LRRC69: variants seen among roughly 807,000 people sequenced by gnomAD.
LRRC69 encodes the protein leucine rich repeat containing 69.
A neutral mutation model predicts 37.8 loss-of-function variants in LRRC69; 42 were observed. The observed-to-expected ratio is 1.11, with a 90% CI of 0.87 to 1.44. The LOEUF (loss-of-function observed/expected upper bound fraction) is 1.44. Among genes scored for constraint, LRRC69 ranks in the 40% most tolerant of loss-of-function variants. The pLI, the probability that LRRC69 is intolerant of heterozygous loss-of-function variation, is 0.00. For synonymous variants in LRRC69, 141 were observed against 143.1 expected, an observed-to-expected ratio of 0.99 and a Z score of 0.11; for missense variants, 357 against 401.9, an observed-to-expected ratio of 0.89 and a Z score of 0.96.
chr8:91,151,343 A>G (rs1414182568), intron 5 of LRRC69, among the ~76,000 whole-genome samples: 2 of 149,614 alleles, frequency 1.3e-5, no homozygotes, highest in Non-Finnish European at 3.0e-5. Flanking sequence ...TTCATTATGT[A>G]CCCAGTAGTC....
At chr8:91,154,240 GA>G (rs568539339) in intron 5 of LRRC69, among the ~76,000 whole-genome samples, 8 of 144,286 alleles carry the variant, frequency 5.5e-5, no homozygotes, top group East Asian at 4.0e-4. Context: ...ACCAACCAAA[GA>G]AAAAAAAAAG....
intron 5 of LRRC69, among the ~76,000 whole-genome samples, chr8:91,159,197 G>A (rs1331215984): frequency 1.3e-5 from 2 of 151,160 alleles, no homozygotes; most frequent in East Asian, 1.9e-4. Context: ...AAGGTATGAG[G>A]GAAGGAAATA....
At chr8:91,193,072 C>G (rs1384061944) in intron 6 of LRRC69, among the ~76,000 whole-genome samples, 1 of 146,664 alleles carries the variant, frequency 6.8e-6, no homozygotes, top group African/African-American at 2.5e-5. Flanking sequence ...ATATGGCTAG[C>G]CAGTTTTCCC....
chr8:91,200,165 T>C (rs1809688288), intron 6 of LRRC69, among the ~76,000 whole-genome samples: 1 of 152,200 alleles, frequency 6.6e-6, no homozygotes, highest in African/African-American at 2.4e-5. Flanking sequence ...TCTGCATATC[T>C]AATAAGCTCC....
At chr8:91,197,578 A>C (rs1360766571) in intron 6 of LRRC69, among the ~76,000 whole-genome samples, 3 of 152,056 alleles carry the variant, frequency 2.0e-5, no homozygotes, top group Admixed American at 2.0e-4. Flanking sequence ...GGAAAAGCGC[A>C]GTATTAGGGT....
intron 2 of LRRC69, among the ~76,000 whole-genome samples, chr8:91,125,594 A>G (rs1163645484): frequency 6.6e-6 from 1 of 151,868 alleles, no homozygotes; most frequent in East Asian, 1.9e-4. Flanking sequence ...TTACACTAAA[A>G]AAGTTAAGGT....
intron 7 of LRRC69, among the ~76,000 whole-genome samples, chr8:91,210,501 A>G (rs1324614267): frequency 2.0e-5 from 3 of 151,848 alleles, no homozygotes; most frequent in Non-Finnish European, 4.4e-5. Flanking sequence ...ACCACTGACC[A>G]TTCAGGTCAG....
intron 7 of LRRC69, among the ~76,000 whole-genome samples, chr8:91,214,137 G>T (rs1418402261): frequency 6.6e-6 from 1 of 152,108 alleles, no homozygotes; most frequent in African/African-American, 2.4e-5. Flanking sequence ...CCTACTGTGG[G>T]TGTAAGGTGT....
intron 1 of LRRC69, among the ~76,000 whole-genome samples, chr8:91,116,612 C>A (rs10956794): frequency 6.6e-6 from 1 of 151,350 alleles, no homozygotes; most frequent in African/African-American, 2.4e-5. Flanking sequence ...TTTAAAGATG[C>A]GCAGTGTATT....
rs192154012 is a variant in LRRC69, at chr8:91,212,869, A to C, written c.934-6021A>C. Among the ~76,000 whole-genome samples, 1,458 of 152,050 alleles carry C rather than the reference A, an allele frequency of 9.6e-3. 11 individuals carry two copies. Among genetic ancestry groups the C allele is most frequent in the Non-Finnish European group, 0.016 (1,113 of 67,834 alleles). On this transcript the variant is annotated intron_variant, in intron 7 of 7. Coordinates refer to ENST00000448384, the Ensembl canonical transcript of LRRC69. Reference sequence around the variant, plus strand: ...ATATATTTCTTATTGTTTTATTCCAAAAATAACAAAACAATTAGAGTATAA... The same window carrying C: ...ATATATTTCTTATTGTTTTATTCCACAAATAACAAAACAATTAGAGTATAA...
In LRRC69 at chr8:91,135,828, G is replaced by A. The variant is rs189660462; in HGVS notation, c.651+89G>A. ...AAAATATGGGCAGACAGTAAAACCT[G>A]TAGTAATTGAAACCTTAAATTATAC... is the stretch of plus-strand genomic sequence containing the variant. On this transcript the variant is annotated intron_variant, in intron 5 of 7. Coordinates refer to ENST00000448384, the Ensembl canonical transcript of LRRC69. 18 of 614,486 alleles carry A rather than the reference G, an allele frequency of 2.9e-5. No individual in the cohort carries two copies. In the East Asian group the frequency reaches 5.6e-4, roughly 19 times the overall value. 38.1% of individuals were successfully genotyped at this position (614,486 alleles called of 1,614,324 possible).
At chr8:91,116,537 T>TGC (rs1813513752) in intron 1 of LRRC69, among the ~76,000 whole-genome samples, 1 of 105,252 alleles carries the variant, frequency 9.5e-6, no homozygotes, top group Admixed American at 8.6e-5. Context: ...TGTGTCTGTA[T>TGC]ACATATATAT....
intron 3 of LRRC69, among the ~76,000 whole-genome samples, chr8:91,128,800 C>T (rs1813760624): frequency 4.0e-5 from 6 of 151,834 alleles, no homozygotes; most frequent in Admixed American, 3.3e-4. Flanking sequence ...TTTCCAGAGA[C>T]AAAGGAATGA....
intron 7 of LRRC69, among the ~76,000 whole-genome samples, chr8:91,215,923 C>T (rs1051468772): frequency 6.6e-6 from 1 of 152,142 alleles, no homozygotes; most frequent in African/African-American, 2.4e-5. Context: ...AATAGAAATA[C>T]AAATTTAAAA....
chr8:91,118,135 C>T (rs1813546634), intron 1 of LRRC69: 10 of 454,944 alleles, frequency 2.2e-5, no homozygotes, highest in Non-Finnish European at 4.4e-5. Context: ...AAGTGCTACC[C>T]ATTACTGGGT....
At chr8:91,200,874 A>T in intron 7 of LRRC69, 82 bp downstream of exon 7, 11 of 1,284,856 alleles carry the variant, frequency 8.6e-6, no homozygotes, top group Non-Finnish European at 1.0e-5. Flanking sequence ...AATACTAACT[A>T]GATTTGTACC....
At chr8:91,124,786 A>T in intron 2 of LRRC69, 167 bp downstream of exon 2, 1 of 560,436 alleles carries the variant, frequency 1.8e-6, no homozygotes, top group Non-Finnish European at 3.0e-6. Flanking sequence ...TTAAAAAAGT[A>T]TTGTATCATA....
intron 1 of LRRC69, among the ~76,000 whole-genome samples, chr8:91,108,708 A>G (rs1009717271): frequency 4.6e-5 from 7 of 151,986 alleles, no homozygotes; most frequent in Non-Finnish European, 8.8e-5. Context: ...ATGTTTCTAA[A>G]ATATTATGAG....
chr8:91,161,462 C>CA lies in LRRC69; in HGVS notation c.651+25725dup, dbSNP rs1379326686. 2.0e-5 allele frequency among the ~76,000 whole-genome samples: 3 copies of CA among 151,280 alleles called. No homozygotes were observed. In the East Asian group the frequency reaches 5.9e-4, roughly 30 times the overall value. ...TATTTTGGGAGACTTATTACTGTTT[C>CA]AATCTCATTACTCATTACTGATCTG... is the stretch of plus-strand genomic sequence containing the variant. On this transcript the variant is annotated intron_variant, in intron 5 of 7. Transcript: ENST00000448384.
Sources: allele counts gnomAD v4.1 joint callset (sites outside exome capture counted in the v4.1 genomes callset), GRCh38; gene constraint gnomAD v4.1.1; transcripts MANE v1.5; gene names NCBI Gene and HGNC (gene_info 2026-07-23, HGNC 2026-07-21).